The following NEURL1 variants were observed in gnomAD, a reference collection of about 807,000 sequenced individuals.
NEURL1 encodes E3 ubiquitin-protein ligase NEURL1.
In NEURL1, 26 loss-of-function variants were observed where a neutral mutation model predicts 41.2. That is an observed-to-expected ratio of 0.63 (90% CI 0.46 to 0.87). NEURL1 has a LOEUF of 0.87. Ranked by LOEUF, NEURL1 falls within the 40% of genes least tolerant of loss-of-function variation. The probability of loss-of-function intolerance (pLI) is 0.00; values close to 1 mark genes in which losing one functional copy is unlikely to be tolerated. For missense variants in NEURL1, 761 were observed against 871.1 expected (o/e 0.87, Z 1.59); for synonymous variants, 400 against 402.3 (o/e 0.99, Z 0.07).
chr10:103,586,944 G>A (rs865817512), intron 4 of NEURL1, among the ~76,000 whole-genome samples: 1 of 152,078 alleles, frequency 6.6e-6, no homozygotes, highest in East Asian at 1.9e-4. Context: ...CCAGCTACTC[G>A]GGAGGTTGAG....
At chr10:103,555,455 C>G (rs772967239) in intron 1 of NEURL1, 2 of 1,337,364 alleles carry the variant, frequency 1.5e-6, no homozygotes, top group Non-Finnish European at 2.0e-6. Flanking sequence ...CACCCCAGCC[C>G]GAGACCGCCT....
intron 1 of NEURL1, chr10:103,555,510 G>T: frequency 9.2e-7 from 1 of 1,091,398 alleles, no homozygotes; most frequent in Admixed American, 2.5e-5. Flanking sequence ...GCTTGGTCAT[G>T]CCCCTACTTC....
chr10:103,521,316 C>T (rs982914574), intron 1 of NEURL1, among the ~76,000 whole-genome samples: 8 of 152,104 alleles, frequency 5.3e-5, no homozygotes, highest in Admixed American at 1.3e-4. Context: ...AAGAAATGAC[C>T]GCAGTGGCCT....
intron 1 of NEURL1, among the ~76,000 whole-genome samples, chr10:103,552,939 G>C (rs2035065353): frequency 6.6e-6 from 1 of 152,210 alleles, no homozygotes; most frequent in African/African-American, 2.4e-5. Flanking sequence ...CCCAGAAGAA[G>C]TGTTCCCAGT....
chr10:103,577,458 A>G (rs1174729301), intron 3 of NEURL1: 1 of 152,554 alleles, frequency 6.6e-6, no homozygotes, highest in African/African-American at 2.4e-5. Context: ...TTTTGTAGAT[A>G]AGGAACAGAG....
chr10:103,539,741 A>G (rs1368306375), intron 1 of NEURL1, among the ~76,000 whole-genome samples: 1 of 152,234 alleles, frequency 6.6e-6, no homozygotes, highest in Non-Finnish European at 1.5e-5. Flanking sequence ...AAGACCACAC[A>G]TTTCAGCTTC....
At position 103,590,362 on chromosome 10, in the gene NEURL1, G is replaced by T. The variant is rs752891906; in HGVS notation, c.1715G>T (p.Arg572Leu). Reference protein sequence around the residue: ...RPIKDIIKTYRSS With the variant: ...RPIKDIIKTYLSS ...ATCAAGGACATCATCAAGACCTACC[G>T]CAGCTCCTAGCCCGTTGCGGTGGCC... Residue 572 changes from arginine (R) to leucine (L), a missense_variant, in exon 6 of 6, where the codon CGC becomes CTC. This residue lies in a region of NEURL1 where 45 missense variants were observed against 89.9 expected (regional missense o/e 0.50). Coordinates refer to ENST00000369780, the MANE Select transcript of NEURL1 (RefSeq NM_004210.5). The T allele has an allele frequency of 6.2e-7, 1 of 1,613,342 alleles. No homozygotes were observed. Among genetic ancestry groups the T allele is most frequent in the Admixed American group, 1.7e-5 (1 of 60,000 alleles).
intron 1 of NEURL1, among the ~76,000 whole-genome samples, chr10:103,538,782 G>A (rs1213583147): frequency 6.6e-6 from 1 of 150,688 alleles, no homozygotes; most frequent in Non-Finnish European, 1.5e-5. Context: ...GAGTAGCTGG[G>A]ACTACAGGGG....
chr10:103,589,200 G>A (rs1161969094), intron 4 of NEURL1, among the ~76,000 whole-genome samples: 2 of 152,284 alleles, frequency 1.3e-5, no homozygotes, highest in Admixed American at 6.5e-5. Flanking sequence ...GGGGAGGGGC[G>A]GAGGTAGGTG....
At chr10:103,517,691 G>T (rs1361014482) in intron 1 of NEURL1, among the ~76,000 whole-genome samples, 1 of 152,240 alleles carries the variant, frequency 6.6e-6, no homozygotes, top group Non-Finnish European at 1.5e-5. Context: ...GAAATTTTCT[G>T]TCAGATGGAC....
chr10:103,541,068 G>A lies in NEURL1; in HGVS notation c.86-29804G>A, dbSNP rs566717795. Among the ~76,000 whole-genome samples, 3 of 152,340 alleles carry A rather than the reference G, an allele frequency of 2.0e-5. No homozygotes were observed. The East Asian group carries it at 5.8e-4, about 29-fold the overall frequency. Reference sequence around the variant, plus strand: ...AAGAAAGGCAGAAGTAACTGAACTCGATAATGTAAGAAATAAGAAACTGTT... The same window carrying A: ...AAGAAAGGCAGAAGTAACTGAACTCAATAATGTAAGAAATAAGAAACTGTT... On this transcript the variant is annotated intron_variant, in intron 1 of 5. Coordinates refer to ENST00000369780, the MANE Select transcript of NEURL1 (RefSeq NM_004210.5).
intron 1 of NEURL1, among the ~76,000 whole-genome samples, chr10:103,570,205 C>T (rs932318298): frequency 4.6e-5 from 7 of 152,218 alleles, no homozygotes; most frequent in African/African-American, 1.7e-4. Flanking sequence ...GATGGGCGGG[C>T]TCTACTTGGG....
chr10:103,555,238 G>A, intron 1 of NEURL1: 2 of 909,910 alleles, frequency 2.2e-6, no homozygotes, highest in Non-Finnish European at 2.6e-6. Context: ...GCGTGGGGGC[G>A]CGGGAGGGGC....
intron 1 of NEURL1, among the ~76,000 whole-genome samples, chr10:103,554,110 G>A (rs767844405): frequency 6.6e-6 from 1 of 152,212 alleles, no homozygotes; most frequent in Non-Finnish European, 1.5e-5. Context: ...TCATTGCATG[G>A]CAGCTGCTCT....
chr10:103,500,131 C>T (rs546020550), intron 1 of NEURL1, among the ~76,000 whole-genome samples: 5 of 152,274 alleles, frequency 3.3e-5, no homozygotes, highest in East Asian at 1.9e-4. Context: ...GCGTCAGCCC[C>T]GTGTTGAACC....
intron 1 of NEURL1, among the ~76,000 whole-genome samples, chr10:103,525,375 A>G (rs2034440415): frequency 9.1e-6 from 1 of 109,436 alleles, no homozygotes; most frequent in African/African-American, 3.2e-5. Context: ...TTTTTTTGAG[A>G]CAGACTTTCA....
chr10:103,557,549 C>A (rs1405565660), intron 1 of NEURL1, among the ~76,000 whole-genome samples: 1 of 152,200 alleles, frequency 6.6e-6, no homozygotes, highest in Non-Finnish European at 1.5e-5. Flanking sequence ...GGCGGGGCCT[C>A]CCTTAAGCTG....
intron 1 of NEURL1, among the ~76,000 whole-genome samples, chr10:103,552,580 T>C (rs915383949): frequency 6.6e-6 from 1 of 152,164 alleles, no homozygotes; most frequent in Non-Finnish European, 1.5e-5. Flanking sequence ...TTCAGACCCT[T>C]TTTCTCAGGT....
intron 1 of NEURL1, among the ~76,000 whole-genome samples, chr10:103,554,213 C>T (rs1407829894): frequency 6.6e-6 from 1 of 152,188 alleles, no homozygotes; most frequent in African/African-American, 2.4e-5. Context: ...CCCACCTTTC[C>T]CTCTTCCCTG....
Sources: gnomAD v4.1 joint callset for allele counts (sites outside exome capture counted in the v4.1 genomes callset) on GRCh38, gnomAD v4.1.1 for gene constraint, gnomAD v4.1.1 regional missense constraint, MANE v1.5 for transcripts, NCBI Gene and HGNC (gene_info 2026-07-23, HGNC 2026-07-21) for gene names.